CNTNAP2: variants seen among roughly 807,000 people sequenced by gnomAD.
CNTNAP2 encodes the protein contactin associated protein 2.
CNTNAP2 carries 98 observed loss-of-function variants against 155.2 expected under a neutral mutation model. That is an observed-to-expected ratio of 0.63 (90% CI 0.54 to 0.75). CNTNAP2 has a LOEUF of 0.75. CNTNAP2 is among the 30% of genes least tolerant of loss of function. The pLI is 0.00. For missense variants in CNTNAP2, 1,727 were observed against 1,688.1 expected (o/e 1.02, Z -0.40); for synonymous variants, 651 against 631.2 (o/e 1.03, Z -0.47).
At chr7:147,508,233 G>T (rs1798948719) in intron 11 of CNTNAP2, among the ~76,000 whole-genome samples, 1 of 152,168 alleles carries the variant, frequency 6.6e-6, no homozygotes, top group Admixed American at 6.5e-5. Context: ...ATCAAGCTTG[G>T]CATATTGAAA....
intron 14 of CNTNAP2, among the ~76,000 whole-genome samples, chr7:147,956,845 A>T (rs1158958633): frequency 6.6e-6 from 1 of 152,144 alleles, no homozygotes; most frequent in Non-Finnish European, 1.5e-5. Flanking sequence ...GGAGGGAAAA[A>T]GTCTTGGCTA....
chr7:147,760,078 C>A (rs916972801), intron 13 of CNTNAP2, among the ~76,000 whole-genome samples: 9 of 152,076 alleles, frequency 5.9e-5, no homozygotes, highest in Admixed American at 4.6e-4. Context: ...TAAGCCCAAA[C>A]CCTTTCCTTC....
chr7:147,822,351 A>G (rs1002040478), intron 13 of CNTNAP2, among the ~76,000 whole-genome samples: 2 of 152,188 alleles, frequency 1.3e-5, no homozygotes, highest in African/African-American at 4.8e-5. Flanking sequence ...TTTAGCAAAT[A>G]CATATCAAAA....
intron 13 of CNTNAP2, among the ~76,000 whole-genome samples, chr7:147,687,671 A>G (rs556100676): frequency 1.5e-4 from 23 of 152,218 alleles, no homozygotes; most frequent in African/African-American, 5.5e-4. Context: ...AGATTCTCCA[A>G]CTGTATATAA....
chr7:148,034,435 G>A (rs1164251897), intron 15 of CNTNAP2, among the ~76,000 whole-genome samples: 2 of 152,116 alleles, frequency 1.3e-5, no homozygotes, highest in African/African-American at 4.8e-5. Flanking sequence ...TGTTATCTTG[G>A]AAGTGGATTC....
In CNTNAP2 at chr7:146,551,179, C is replaced by A. The variant is rs533843795; in HGVS notation, c.98-223092C>A. Among the ~76,000 whole-genome samples the A allele has an allele frequency of 3.9e-5, 6 of 152,068 alleles. No homozygotes were observed. In the South Asian group the frequency reaches 1.0e-3, roughly 26 times the overall value. ...TGTTTACACCATATAGTACGAACGT[C>A]CTGCTCAGAGTCAAATGATTTCAGT... On this transcript the variant is annotated intron_variant, in intron 1 of 23. Transcript: ENST00000361727.
In CNTNAP2 at chr7:147,420,392, C is replaced by T. The variant is rs186249811; in HGVS notation, c.1670+24612C>T. Among the ~76,000 whole-genome samples, 394 of 152,250 alleles carry T rather than the reference C, an allele frequency of 2.6e-3. 7 individuals are homozygous for T. The highest frequency in any genetic ancestry group is 1.2e-3 in the East Asian group (6 of 5,174). ...AGTTAATTATTTTCATTAAATATTG[C>T]AGTGCTGTCATGAGGAATGAAACAG... On this transcript the variant is annotated intron_variant, in intron 10 of 23. Coordinates refer to ENST00000361727, the MANE Select transcript of CNTNAP2 (RefSeq NM_014141.6).
intron 11 of CNTNAP2, among the ~76,000 whole-genome samples, chr7:147,519,643 G>C (rs1051255890): frequency 1.3e-5 from 2 of 152,160 alleles, no homozygotes; most frequent in Admixed American, 6.5e-5. Context: ...TGGGCGGATT[G>C]CTTGAGGTCA....
At chr7:146,525,433 C>T (rs186555400) in intron 1 of CNTNAP2, among the ~76,000 whole-genome samples, 3 of 151,832 alleles carry the variant, frequency 2.0e-5, no homozygotes, top group Non-Finnish European at 2.9e-5. Flanking sequence ...AATAGAAATA[C>T]CAAATTGAGA....
chr7:146,772,502 CAA>C (rs71165037), intron 1 of CNTNAP2, among the ~76,000 whole-genome samples: 5,105 of 96,134 alleles, frequency 0.053, 253 homozygotes, highest in African/African-American at 0.13. Flanking sequence ...ACTGAAAATA[CAA>C]AAAAAAAAAA....
intron 1 of CNTNAP2, among the ~76,000 whole-genome samples, chr7:146,428,378 C>A (rs1484075064): frequency 1.3e-5 from 2 of 150,996 alleles, no homozygotes; most frequent in African/African-American, 5.0e-5. Flanking sequence ...TAAAAGCATT[C>A]CTTTTTTTAT....
At chr7:147,347,519 G>A (rs1056518200) in intron 9 of CNTNAP2, among the ~76,000 whole-genome samples, 6 of 123,036 alleles carry the variant, frequency 4.9e-5, no homozygotes, top group East Asian at 2.5e-4. Context: ...TGTGTGTAGC[G>A]TTTATTCCAA....
intron 14 of CNTNAP2, among the ~76,000 whole-genome samples, chr7:147,907,301 C>T (rs962251370): frequency 2.0e-5 from 3 of 152,146 alleles, no homozygotes; most frequent in Non-Finnish European, 4.4e-5. Flanking sequence ...CGTGATCTGC[C>T]CACCTCGGCC....
At chr7:146,495,559 T>G (rs967533620) in intron 1 of CNTNAP2, among the ~76,000 whole-genome samples, 4 of 45,032 alleles carry the variant, frequency 8.9e-5, no homozygotes, top group African/African-American at 2.3e-4. Flanking sequence ...GTCATTTTTT[T>G]TTTTTTTTTT....
chr7:148,287,787 C>CTTTTTT lies in CNTNAP2; in HGVS notation c.3475+20663_3475+20668dup, dbSNP rs1230237736. On this transcript the variant is annotated intron_variant, in intron 21 of 23. Transcript: ENST00000361727. ...GGTCTCTCTTCCTCTTTCTTTCTTT[C>CTTTTTT]TTTTTTTCTTTTTTTTTTTTTGAAT... Among the ~76,000 whole-genome samples the CTTTTTT allele has an allele frequency of 3.5e-4, 23 of 64,872 alleles. 2 individuals are homozygous for CTTTTTT. Among genetic ancestry groups the CTTTTTT allele is most frequent in the African/African-American group, 4.6e-4 (7 of 15,368 alleles). 42.6% of individuals were successfully genotyped at this position (64,872 alleles called of 152,430 possible).
Position 147,516,621 on chromosome 7 carries a change from T to C in CNTNAP2, c.1777+30580T>C, listed in dbSNP as rs851830. 4.5e-3 allele frequency among the ~76,000 whole-genome samples: 74 copies of C among 16,498 alleles called. No homozygotes were observed. The South Asian group carries it at 0.13, about 29-fold the overall frequency. 10.8% of individuals were successfully genotyped at this position (16,498 alleles called of 152,430 possible). ...GTATGAGACAGAGAGAGAGAGAATG[T>C]GTGTGTGTGTGTGTGTGTGTGTGTT... On this transcript the variant is annotated intron_variant, in intron 11 of 23. Coordinates refer to ENST00000361727, the MANE Select transcript of CNTNAP2 (RefSeq NM_014141.6).
intron 9 of CNTNAP2, among the ~76,000 whole-genome samples, chr7:147,378,391 T>C (rs550027297): frequency 2.0e-5 from 3 of 152,138 alleles, no homozygotes; most frequent in African/African-American, 7.2e-5. Flanking sequence ...CCTAAAGAAT[T>C]CATCGTATAC....
chr7:147,402,752 C>T (rs1445529928), intron 10 of CNTNAP2, among the ~76,000 whole-genome samples: 1 of 152,084 alleles, frequency 6.6e-6, no homozygotes, highest in Non-Finnish European at 1.5e-5. Flanking sequence ...TTAGGCTACG[C>T]CCCCTTTACT....
At chr7:147,965,794 T>A (rs1801199335) in intron 14 of CNTNAP2, among the ~76,000 whole-genome samples, 1 of 152,162 alleles carries the variant, frequency 6.6e-6, no homozygotes, top group South Asian at 2.1e-4. Flanking sequence ...TTAGTCCCAG[T>A]CACTGAGAGA....
Sources: allele counts gnomAD v4.1 joint callset (sites outside exome capture counted in the v4.1 genomes callset), GRCh38; gene constraint gnomAD v4.1.1; transcripts MANE v1.5; gene names NCBI Gene and HGNC (gene_info 2026-07-23, HGNC 2026-07-21).